Variants in SORCS3 observed in about 807,000 individuals in gnomAD.
SORCS3 encodes the protein VPS10 domain-containing receptor SorCS3.
SORCS3 carries 57 observed loss-of-function variants against 146.3 expected under a neutral mutation model. The ratio of observed to expected loss-of-function variants is 0.39; its 90% confidence interval spans 0.31 to 0.49. The LOEUF is 0.49. SORCS3 is among the 20% of genes least tolerant of loss of function. The probability of loss-of-function intolerance (pLI) is 0.92; values close to 1 mark genes in which losing one functional copy is unlikely to be tolerated. For synonymous variants in SORCS3, 653 were observed against 618.5 expected (o/e 1.06, Z -0.83); for missense variants, 1,341 against 1,575.5 (o/e 0.85, Z 2.52).
At chr10:105,019,524 T>C (rs1249486340) in intron 4 of SORCS3, among the ~76,000 whole-genome samples, 1 of 152,184 alleles carries the variant, frequency 6.6e-6, no homozygotes, top group Non-Finnish European at 1.5e-5. Context: ...CTTGCTAATA[T>C]ATTTCCATGA....
intron 2 of SORCS3, among the ~76,000 whole-genome samples, chr10:104,849,850 G>A (rs1250269501): frequency 6.6e-6 from 1 of 152,124 alleles, no homozygotes; most frequent in Non-Finnish European, 1.5e-5. Flanking sequence ...TAGACTCCTA[G>A]GCACATCATG....
At chr10:105,048,387 A>G (rs1051907318) in intron 5 of SORCS3, among the ~76,000 whole-genome samples, 1 of 151,170 alleles carries the variant, frequency 6.6e-6, no homozygotes, top group African/African-American at 2.4e-5. Context: ...CTTTGTAGGG[A>G]CATGGATGAA....
intron 13 of SORCS3, among the ~76,000 whole-genome samples, chr10:105,173,021 T>G (rs1013469069): frequency 1.3e-5 from 2 of 152,188 alleles, no homozygotes; most frequent in African/African-American, 4.8e-5. Context: ...ATAAATGACT[T>G]CCAAATTTAC....
rs929639730 is a variant in SORCS3 at position 105,089,659 on chromosome 10, G to T, written c.1029-116G>T. On this transcript the variant is annotated intron_variant, in intron 5 of 26. Transcript: ENST00000369701. ...CATTCTGCTGGTTCCCATACTGCAG[G>T]ATGGTCCTCTTTGAGAAAATGGATT... 21 of 773,654 alleles carry T rather than the reference G, an allele frequency of 2.7e-5. No homozygotes were observed. In the Admixed American group the frequency reaches 3.4e-4, roughly 13 times the overall value. The allele number at this position is 773,654 out of a possible 1,614,324, so 47.9% of individuals were successfully genotyped here. A position where few individuals can be genotyped will look rare whatever the true frequency, so the allele number is the denominator to read the frequency against.
At chr10:105,037,600 A>G (rs113466614) in intron 4 of SORCS3, among the ~76,000 whole-genome samples, 17 of 152,174 alleles carry the variant, frequency 1.1e-4, no homozygotes, top group Middle Eastern at 3.4e-3. Flanking sequence ...ATGTGTCTTT[A>G]CGTAGGATTC....
intron 5 of SORCS3, among the ~76,000 whole-genome samples, chr10:105,052,077 G>T (rs1210819418): frequency 2.6e-5 from 4 of 152,094 alleles, no homozygotes; most frequent in African/African-American, 4.8e-5. Flanking sequence ...TCAACTCTTT[G>T]GAAGAAGTCA....
chr10:105,058,114 A>C (rs780465737), intron 5 of SORCS3, among the ~76,000 whole-genome samples: 1 of 152,218 alleles, frequency 6.6e-6, no homozygotes, highest in African/African-American at 2.4e-5. Context: ...ACTGTGCACA[A>C]TGGAGGCAGA....
chr10:105,193,601 A>G (rs1315357876), intron 14 of SORCS3, among the ~76,000 whole-genome samples: 1 of 152,198 alleles, frequency 6.6e-6, no homozygotes, highest in African/African-American at 2.4e-5. Flanking sequence ...AAAGGGCCAC[A>G]TTCCCTGTAG....
intron 24 of SORCS3, among the ~76,000 whole-genome samples, chr10:105,256,049 A>G (rs1031090608): frequency 3.3e-5 from 5 of 151,996 alleles, no homozygotes; most frequent in African/African-American, 7.3e-5. Context: ...AAAACCTACA[A>G]TTTACTTGGG....
chr10:105,098,996 A>G (rs982324187), intron 6 of SORCS3, among the ~76,000 whole-genome samples: 2 of 152,226 alleles, frequency 1.3e-5, no homozygotes, highest in Non-Finnish European at 2.9e-5. Flanking sequence ...CTCAAAATCC[A>G]TGAACTCAGT....
At chr10:104,706,711 C>A (rs563956491) in intron 1 of SORCS3, among the ~76,000 whole-genome samples, 15 of 152,140 alleles carry the variant, frequency 9.9e-5, no homozygotes, top group Non-Finnish European at 2.2e-4. Context: ...TATAGGGAGG[C>A]ACTCACAAGA....
At chr10:105,136,805 T>C (rs1326805883) in intron 7 of SORCS3, among the ~76,000 whole-genome samples, 2 of 152,172 alleles carry the variant, frequency 1.3e-5, no homozygotes, top group African/African-American at 2.4e-5. Context: ...TCAGAGGTAC[T>C]TGGAGACCCC....
chr10:104,710,988 A>G (rs1206566442), intron 1 of SORCS3, among the ~76,000 whole-genome samples: 2 of 152,178 alleles, frequency 1.3e-5, no homozygotes, highest in African/African-American at 2.4e-5. Context: ...TCCATTGCAA[A>G]TATTTATCAA....
At chr10:105,188,669 A>T (rs914362001) in intron 14 of SORCS3, among the ~76,000 whole-genome samples, 3 of 152,214 alleles carry the variant, frequency 2.0e-5, no homozygotes, top group Admixed American at 2.0e-4. Flanking sequence ...TGGTTAATTT[A>T]TGCTGCATTT....
intron 5 of SORCS3, among the ~76,000 whole-genome samples, chr10:105,045,489 C>G (rs953590287): frequency 1.3e-5 from 2 of 151,934 alleles, no homozygotes; most frequent in Admixed American, 6.6e-5. Context: ...TTTTAGGTGT[C>G]GTGTGAGTCA....
chr10:104,939,467 G>A (rs1033260805), intron 3 of SORCS3, among the ~76,000 whole-genome samples: 4 of 152,194 alleles, frequency 2.6e-5, no homozygotes, highest in African/African-American at 9.7e-5. Flanking sequence ...CAAAGCAGGT[G>A]TACTCTCTGC....
intron 17 of SORCS3, 60 bp downstream of exon 17, chr10:105,211,310 C>A: frequency 8.9e-7 from 1 of 1,129,180 alleles, no homozygotes; most frequent in Non-Finnish European, 1.3e-6. Flanking sequence ...AAACTAGGAC[C>A]AAAGGAAATG....
intron 1 of SORCS3, among the ~76,000 whole-genome samples, chr10:104,785,822 T>C (rs1393235362): frequency 3.3e-5 from 5 of 152,192 alleles, no homozygotes; most frequent in Non-Finnish European, 5.9e-5. Context: ...GTGAAGTTCC[T>C]TGGGGGCATG....
At chr10:105,028,689 A>ACAG (rs1488994832) in intron 4 of SORCS3, among the ~76,000 whole-genome samples, 1 of 152,212 alleles carries the variant, frequency 6.6e-6, no homozygotes, top group Non-Finnish European at 1.5e-5. Flanking sequence ...AACGTCCTCC[A>ACAG]CAGGGTGGTC....
Sources: gnomAD v4.1 joint callset for allele counts (sites outside exome capture counted in the v4.1 genomes callset) on GRCh38, gnomAD v4.1.1 for gene constraint, MANE v1.5 for transcripts, NCBI Gene and HGNC (gene_info 2026-07-23, HGNC 2026-07-21) for gene names.